The following BCAT1 variants were observed in gnomAD, a reference collection of about 807,000 sequenced individuals.
BCAT1 encodes branched-chain-amino-acid aminotransferase, cytosolic.
Under a neutral mutation model 52.4 loss-of-function variants are expected in BCAT1, and 48 were observed. The observed-to-expected ratio is 0.92, with a 90% CI of 0.73 to 1.16. BCAT1 has a LOEUF of 1.16. BCAT1 is among the 50% of genes most tolerant of loss of function. The pLI is 0.00. For synonymous variants in BCAT1, 167 were observed against 161.3 expected (o/e 1.04, Z -0.27); for missense variants, 451 against 457.1 (o/e 0.99, Z 0.12).
intron 3 of BCAT1, among the ~76,000 whole-genome samples, chr12:24,893,475 T>A (rs1942891550): frequency 6.6e-6 from 1 of 152,224 alleles, no homozygotes; most frequent in Non-Finnish European, 1.5e-5. Context: ...AAAGCCTGAA[T>A]GCTTAATCAC....
intron 10 of BCAT1, among the ~76,000 whole-genome samples, chr12:24,818,317 GCTGAA>G (rs1939964848): frequency 6.6e-6 from 1 of 152,136 alleles, no homozygotes; most frequent in South Asian, 2.1e-4. Context: ...TACAATTATT[GCTGAA>G]CTCAAATTCA....
intron 5 of BCAT1, among the ~76,000 whole-genome samples, chr12:24,869,698 G>C (rs1237961881): frequency 6.6e-6 from 1 of 152,142 alleles, no homozygotes; most frequent in Admixed American, 6.6e-5. Flanking sequence ...ATGGGAGATG[G>C]GGGGACATAA....
At chr12:24,845,616 T>A (rs1267470392) in intron 6 of BCAT1, among the ~76,000 whole-genome samples, 1 of 152,260 alleles carries the variant, frequency 6.6e-6, no homozygotes, top group Non-Finnish European at 1.5e-5. Flanking sequence ...TAGTCCTTAT[T>A]TTTCCCTCAT....
At position 24,836,527 on chromosome 12, in the gene BCAT1, T is replaced by A. The variant is rs1227025615; in HGVS notation, c.887A>T (p.Asp296Val). 6.2e-7 allele frequency: 1 copy of A among 1,612,936 alleles called. No homozygotes were observed. Among genetic ancestry groups the A allele is most frequent in the South Asian group, 1.1e-5 (1 of 90,658 alleles). The change falls in exon 8 of 11, where the codon GAC (aspartate) becomes GTC (valine). Residue 296 changes from aspartate (D) to valine (V), a missense_variant. Physicochemically the swap from Asp to Val is radical, Grantham distance 152. Coordinates refer to ENST00000261192, the MANE Select transcript of BCAT1 (RefSeq NM_005504.7). ...GGCACCCACCCACTGATGTGCCAGG[T>A]CCAGAATGCACCGCCTTGTCACTCC... ...LPGVTRRCIL[D>V]LAHQWGEFKV...
At chr12:24,911,695 C>T (rs765096927) in intron 1 of BCAT1, among the ~76,000 whole-genome samples, 1 of 152,120 alleles carries the variant, frequency 6.6e-6, no homozygotes, top group Non-Finnish European at 1.5e-5. Flanking sequence ...ACCTGACTCC[C>T]TCTTCCCTCC....
chr12:24,889,297 T>C (rs1021889729), intron 3 of BCAT1, among the ~76,000 whole-genome samples: 10 of 152,202 alleles, frequency 6.6e-5, no homozygotes, highest in African/African-American at 2.2e-4. Context: ...ACTTCAATAA[T>C]ATCTGGCCTG....
chr12:24,821,218 G>C (rs1369260734), intron 10 of BCAT1, among the ~76,000 whole-genome samples: 1 of 152,178 alleles, frequency 6.6e-6, no homozygotes, highest in Non-Finnish European at 1.5e-5. Flanking sequence ...ATAGTCATTT[G>C]TCCTTGAAAA....
At chr12:24,836,338 A>C (rs954954743) in intron 8 of BCAT1, 173 bp downstream of exon 8, 2 of 606,668 alleles carry the variant, frequency 3.3e-6, no homozygotes, top group African/African-American at 1.8e-5. Context: ...TACTTATTTT[A>C]ATAGTCTTGC....
Position 24,905,613 on chromosome 12 carries a change from G to A in BCAT1, c.7-3728C>T, listed in dbSNP as rs559699897. Reference sequence around the variant, plus strand: ...AAGTACAAATTTTTCCCTACAGTACGGTAATATAATTTCTTCATTCAAGAA... The same window carrying A: ...AAGTACAAATTTTTCCCTACAGTACAGTAATATAATTTCTTCATTCAAGAA... On this transcript the variant is annotated intron_variant, in intron 1 of 10. Transcript: ENST00000261192. Among the ~76,000 whole-genome samples the A allele has an allele frequency of 3.9e-5, 6 of 152,154 alleles. No individual in the cohort carries two copies. In the East Asian group the frequency reaches 5.8e-4, roughly 15 times the overall value.
chr12:24,917,048 T>C (rs1399632664), intron 1 of BCAT1, among the ~76,000 whole-genome samples: 1 of 151,946 alleles, frequency 6.6e-6, no homozygotes, highest in Non-Finnish European at 1.5e-5. Context: ...AAACAAAACA[T>C]AAAAAAAATC....
intron 9 of BCAT1, among the ~76,000 whole-genome samples, chr12:24,832,343 A>G (rs927548537): frequency 2.0e-5 from 3 of 151,556 alleles, no homozygotes; most frequent in African/African-American, 7.3e-5. Flanking sequence ...ATGCTAATAC[A>G]GTTTCATCTG....
At chr12:24,903,222 C>T (rs1041799707) in intron 1 of BCAT1, 1 of 927,130 alleles carries the variant, frequency 1.1e-6, no homozygotes, top group African/African-American at 1.7e-5. Flanking sequence ...TCGCTAAAAC[C>T]GAAGCGGTTG....
chr12:24,910,617 A>G (rs1943307809), intron 1 of BCAT1, among the ~76,000 whole-genome samples: 2 of 152,162 alleles, frequency 1.3e-5, no homozygotes, highest in Non-Finnish European at 2.9e-5. Context: ...CTTTCTAACT[A>G]TGGTTATTTT....
At chr12:24,898,104 AG>A (rs540655517) in intron 2 of BCAT1, among the ~76,000 whole-genome samples, 1 of 152,216 alleles carries the variant, frequency 6.6e-6, no homozygotes, top group South Asian at 2.1e-4. Context: ...TGTAGTTTTA[AG>A]GGAACGATTT....
rs1174382573 is a variant in BCAT1, at chr12:24,815,935, T to A, written c.*2073A>T. ...CTAGACAGTTTAAATTACCTGCAAC[T>A]TTTTCCTAGACTACTATATGAAGAA... is the stretch of plus-strand genomic sequence containing the variant. On this transcript the variant is annotated 3_prime_UTR_variant, in exon 11 of 11. Coordinates refer to ENST00000261192, the MANE Select transcript of BCAT1 (RefSeq NM_005504.7). 6.6e-6 allele frequency: 1 copy of A among 152,158 alleles called. No individual in the cohort carries two copies. Among genetic ancestry groups the A allele is most frequent in the Non-Finnish European group, 1.5e-5 (1 of 68,022 alleles). The allele number at this position is 152,158 out of a possible 1,614,324, so 9.4% of individuals were successfully genotyped here.
intron 7 of BCAT1, among the ~76,000 whole-genome samples, chr12:24,840,310 G>A (rs1271355488): frequency 6.6e-6 from 1 of 152,058 alleles, no homozygotes; most frequent in Non-Finnish European, 1.5e-5. Flanking sequence ...TTTTTGTTTT[G>A]AGCTGTGTGG....
intron 10 of BCAT1, 37 bp from the exon 11 acceptor site, chr12:24,818,086 A>G (rs748280968): frequency 2.2e-5 from 35 of 1,607,384 alleles, no homozygotes; most frequent in Middle Eastern, 1.7e-4. Flanking sequence ...TCAGTACAGA[A>G]GCTAACAGGG....
chr12:24,939,748 G>A (rs143409018), intron 1 of BCAT1, among the ~76,000 whole-genome samples: 96 of 152,252 alleles, frequency 6.3e-4, no homozygotes, highest in Middle Eastern at 3.4e-3. Flanking sequence ...GAGGAGAATC[G>A]CTTGAACCTG....
At chr12:24,899,041 G>C (rs945105033) in intron 2 of BCAT1, among the ~76,000 whole-genome samples, 8 of 152,226 alleles carry the variant, frequency 5.3e-5, no homozygotes, top group Non-Finnish European at 7.3e-5. Flanking sequence ...GAGAACTGCA[G>C]ATTTGCAGTG....
Sources: gnomAD v4.1 joint callset for allele counts (sites outside exome capture counted in the v4.1 genomes callset) on GRCh38, gnomAD v4.1.1 for gene constraint, MANE v1.5 for transcripts, NCBI Gene and HGNC (gene_info 2026-07-23, HGNC 2026-07-21) for gene names.